Variants in CACNA1D observed in about 807,000 individuals in gnomAD.
The protein encoded by CACNA1D is voltage-dependent L-type calcium channel subunit alpha-1D.
Under a neutral mutation model 257.1 loss-of-function variants are expected in CACNA1D, and 55 were observed. That is an observed-to-expected ratio of 0.21 (90% CI 0.17 to 0.27). CACNA1D has a LOEUF of 0.27. Among genes scored for constraint, CACNA1D ranks in the 10% least tolerant of loss-of-function variants. The pLI is 1.00. For missense variants in CACNA1D, 1,876 were observed against 2,784.0 expected (o/e 0.67, Z 7.34); for synonymous variants, 980 against 1,014.9 (o/e 0.97, Z 0.65).
chr3:53,549,559 C>A (rs933076564), intron 3 of CACNA1D, among the ~76,000 whole-genome samples: 8 of 152,100 alleles, frequency 5.3e-5, no homozygotes, highest in African/African-American at 1.9e-4. Flanking sequence ...CTAGAAGATT[C>A]CATATTGTAT....
chr3:53,691,252 G>GC (rs779316489), intron 8 of CACNA1D, among the ~76,000 whole-genome samples: 9 of 151,358 alleles, frequency 5.9e-5, no homozygotes, highest in Non-Finnish European at 1.3e-4. Context: ...AGATTCTCCT[G>GC]CCTCAGCCTC....
intron 3 of CACNA1D, among the ~76,000 whole-genome samples, chr3:53,568,522 C>T (rs904450110): frequency 6.6e-6 from 1 of 152,316 alleles, no homozygotes; most frequent in African/African-American, 2.4e-5. Context: ...TCCACAGATA[C>T]TGCTGCCTCC....
intron 29 of CACNA1D, 40 bp downstream of exon 29, chr3:53,753,722 T>A: frequency 8.2e-7 from 1 of 1,224,218 alleles, no homozygotes; most frequent in Non-Finnish European, 1.2e-6. Flanking sequence ...TGTTGCTGAG[T>A]CACCCTAGAG....
intron 3 of CACNA1D, among the ~76,000 whole-genome samples, chr3:53,640,869 C>T (rs927537042): frequency 7.2e-5 from 11 of 151,976 alleles, no homozygotes; most frequent in Non-Finnish European, 1.2e-4. Flanking sequence ...CTGTTATGGC[C>T]GGGGGATGGG....
In CACNA1D at chr3:53,802,188, C is replaced by A; in HGVS notation, c.5435+15C>A. Reference sequence around the variant, plus strand: ...ACTTACATTAGGTATGTGCTCATTACCTGTTTTTGTGTTAAATACTGTGAT... The same window carrying A: ...ACTTACATTAGGTATGTGCTCATTAACTGTTTTTGTGTTAAATACTGTGAT... On this transcript the variant is annotated intron_variant, in intron 43 of 47. Transcript: ENST00000350061. The A allele has an allele frequency of 6.3e-7, 1 of 1,597,770 alleles. No individual in the cohort carries two copies. Among genetic ancestry groups the A allele is most frequent in the Non-Finnish European group, 8.6e-7 (1 of 1,165,168 alleles).
At position 53,787,523 on chromosome 3, in the gene CACNA1D, A is replaced by AT. The variant is rs142242639; in HGVS notation, c.4923+572dup. On this transcript the variant is annotated intron_variant, in intron 40 of 47. Transcript: ENST00000350061. ...GATGGCCAGGAGGCCAGCTGTGCAC[A>AT]TGCTATGCTCTCATGCCCCAGCCAG... Among the ~76,000 whole-genome samples the AT allele has an allele frequency of 2.8e-4, 43 of 151,728 alleles. No individual in the cohort carries two copies. The East Asian group carries it at 8.3e-3, about 29-fold the overall frequency.
At chr3:53,544,552 G>A (rs2092371766) in intron 3 of CACNA1D, among the ~76,000 whole-genome samples, 1 of 152,130 alleles carries the variant, frequency 6.6e-6, no homozygotes, top group Non-Finnish European at 1.5e-5. Context: ...AAATCAAATG[G>A]GACTTTCCCC....
At position 53,772,835 on chromosome 3, in the gene CACNA1D, G is replaced by A. The variant is rs899704027; in HGVS notation, c.4047G>A (p.Ala1349=). Residue 1349 remains alanine (A), a splice_region_variant and synonymous_variant, in exon 33 of 48, where the codon GCG becomes GCA. Coordinates refer to ENST00000350061, the MANE Select transcript of CACNA1D (RefSeq NM_001128840.3). ...GCCAAGTGCCTTTTCTCTCCCAGGC[G>A]CTCCCGTATGTGGCCCTCCTCATAG... The part of the protein sequence containing the change: ...LLWTFIKSFQ[A]LPYVALLIAM... 24 of 1,608,626 alleles carry A rather than the reference G, an allele frequency of 1.5e-5. No individual in the cohort carries two copies. Among genetic ancestry groups the A allele is most frequent in the Non-Finnish European group, 1.8e-5 (21 of 1,177,502 alleles).
At chr3:53,528,767 G>A (rs576670945) in intron 3 of CACNA1D, among the ~76,000 whole-genome samples, 2 of 151,898 alleles carry the variant, frequency 1.3e-5, no homozygotes, top group African/African-American at 4.8e-5. Flanking sequence ...TATTATTTTT[G>A]ATTTTATTGC....
In CACNA1D at chr3:53,534,256, T is replaced by G. The variant is rs1547950; in HGVS notation, c.483+32536T>G. On this transcript the variant is annotated intron_variant, in intron 3 of 47. Coordinates refer to ENST00000350061, the MANE Select transcript of CACNA1D (RefSeq NM_001128840.3). ...AGTGTGAGGGCAGGCCTCGCCTCCC[T>G]GCCCCTCTCCCCTGTGTGGCTTTTC... Among the ~76,000 whole-genome samples, 474 of 151,998 alleles carry G rather than the reference T, an allele frequency of 3.1e-3. 4 individuals are homozygous for G. The highest frequency in any genetic ancestry group is 0.01 in the African/African-American group (426 of 41,410).
intron 8 of CACNA1D, among the ~76,000 whole-genome samples, chr3:53,691,213 C>T (rs2094516474): frequency 6.6e-6 from 1 of 150,954 alleles, no homozygotes; most frequent in Non-Finnish European, 1.5e-5. Context: ...GATCTCAGCT[C>T]ACTGCAACTT....
intron 3 of CACNA1D, among the ~76,000 whole-genome samples, chr3:53,505,144 T>C (rs559937395): frequency 1.2e-3 from 162 of 140,308 alleles, no homozygotes; most frequent in African/African-American, 4.0e-3. Context: ...TTTGAGGCTC[T>C]GTTGCCCAGG....
intron 8 of CACNA1D, among the ~76,000 whole-genome samples, chr3:53,678,490 TG>T (rs763135002): frequency 2.0e-5 from 3 of 152,232 alleles, no homozygotes; most frequent in Non-Finnish European, 4.4e-5. Flanking sequence ...AATCCAATTT[TG>T]TATTACTATA....
intron 15 of CACNA1D, among the ~76,000 whole-genome samples, chr3:53,728,881 T>C (rs901894047): frequency 7.9e-5 from 12 of 152,346 alleles, no homozygotes; most frequent in African/African-American, 2.9e-4. Flanking sequence ...TGCCACTCTT[T>C]AGGAGGGTCT....
At chr3:53,656,997 C>T (rs1004223435) in intron 4 of CACNA1D, among the ~76,000 whole-genome samples, 1 of 152,138 alleles carries the variant, frequency 6.6e-6, no homozygotes, top group Non-Finnish European at 1.5e-5. Flanking sequence ...AAAATGCGCC[C>T]ATTTCTTACA....
intron 3 of CACNA1D, among the ~76,000 whole-genome samples, chr3:53,594,089 G>A (rs1472484378): frequency 6.6e-6 from 1 of 152,236 alleles, no homozygotes; most frequent in Non-Finnish European, 1.5e-5. Context: ...GAGGTAGGGA[G>A]TGTGCACGTG....
chr3:53,764,325 G>A (rs1418513776), intron 30 of CACNA1D, among the ~76,000 whole-genome samples: 1 of 152,182 alleles, frequency 6.6e-6, no homozygotes, highest in Non-Finnish European at 1.5e-5. Flanking sequence ...ATCTCACAAC[G>A]CAAAGTGCTT....
chr3:53,526,836 A>G (rs2107406071), intron 3 of CACNA1D, among the ~76,000 whole-genome samples: 1 of 152,356 alleles, frequency 6.6e-6, no homozygotes, highest in Non-Finnish European at 1.5e-5. Flanking sequence ...GGAACATAGT[A>G]CATCGTGCAT....
Position 53,751,029 on chromosome 3 carries a change from C to T in CACNA1D, c.3517-720C>T, listed in dbSNP as rs144499840. Among the ~76,000 whole-genome samples, 5 of 151,190 alleles carry T rather than the reference C, an allele frequency of 3.3e-5. No individual in the cohort carries two copies. The highest frequency in any genetic ancestry group is 3.9e-4 in the East Asian group (2 of 5,182). ...AACTGCGTCCAATCAATCCAGCTGT[C>T]GCTACAGTGCTCCAGCTGGGCCCCA... On this transcript the variant is annotated intron_variant, in intron 27 of 47. Coordinates refer to ENST00000350061, the MANE Select transcript of CACNA1D (RefSeq NM_001128840.3). The surrounding 1 kb of genome is among the most constrained non-coding windows in gnomAD (Gnocchi z 4.3).
Sources: gnomAD v4.1 joint callset for allele counts (sites outside exome capture counted in the v4.1 genomes callset) on GRCh38, gnomAD v4.1.1 for gene constraint, Gnocchi (gnomAD v3.1) non-coding constraint, MANE v1.5 for transcripts, NCBI Gene and HGNC (gene_info 2026-07-23, HGNC 2026-07-21) for gene names.